The following PUS10 variants were observed in gnomAD, a reference collection of about 807,000 sequenced individuals.
The protein encoded by PUS10 is tRNA pseudouridine synthase Pus10.
Under a neutral mutation model 75.0 loss-of-function variants are expected in PUS10, and 59 were observed. The observed-to-expected ratio is 0.79, with a 90% CI of 0.64 to 0.98. The LOEUF (loss-of-function observed/expected upper bound fraction) is 0.98. Ranked by LOEUF, PUS10 falls within the 50% of genes least tolerant of loss-of-function variation. The probability of loss-of-function intolerance (pLI) is 0.00; values close to 1 mark genes in which losing one functional copy is unlikely to be tolerated. For synonymous variants in PUS10, 219 were observed against 211.6 expected (o/e 1.03, Z -0.30); for missense variants, 650 against 614.4 (o/e 1.06, Z -0.61).
rs769679154 is a variant in PUS10 at position 61,009,021 on chromosome 2, AAG to A, written c.127-8_127-7del. 1 of 1,603,662 alleles carries A rather than the reference AAG, an allele frequency of 6.2e-7. No individual in the cohort carries two copies. The highest frequency in any genetic ancestry group is 8.5e-7 in the Non-Finnish European group (1 of 1,176,352). On this transcript the variant is annotated splice_polypyrimidine_tract_variant and splice_region_variant and intron_variant, in intron 2 of 17. Transcript: ENST00000316752. ...TGTAGTTCATTGAGCAACTCCTGGA[AAG>A]TTAATGAAAGAAAAAGTAATGACCC...
chr2:61,006,442 A>T (rs980301648), intron 4 of PUS10, 115 bp downstream of exon 4: 26 of 756,928 alleles, frequency 3.4e-5, no homozygotes, highest in Admixed American at 9.2e-5. Flanking sequence ...ATCATTCAAT[A>T]AGTAGACAAA....
At chr2:61,016,785 A>G (rs1331376368) in intron 1 of PUS10, among the ~76,000 whole-genome samples, 1 of 152,152 alleles carries the variant, frequency 6.6e-6, no homozygotes, top group Non-Finnish European at 1.5e-5. Flanking sequence ...AAAACTAGCG[A>G]AATGACCAGA....
chr2:60,965,202 A>C, intron 7 of PUS10, 99 bp from the exon 8 acceptor site: 1 of 1,240,104 alleles, frequency 8.1e-7, no homozygotes, highest in Non-Finnish European at 1.2e-6. Context: ...TAAACTCAGG[A>C]CATCAGGAGC....
intron 4 of PUS10, among the ~76,000 whole-genome samples, chr2:60,990,140 A>T (rs1212362533): frequency 6.6e-6 from 1 of 152,172 alleles, no homozygotes. Flanking sequence ...ACACCCATAC[A>T]CATACTCACA....
At chr2:61,006,142 T>C (rs1324800274) in intron 4 of PUS10, among the ~76,000 whole-genome samples, 1 of 152,224 alleles carries the variant, frequency 6.6e-6, no homozygotes, top group Non-Finnish European at 1.5e-5. Flanking sequence ...CATCTTTTTA[T>C]ATTTTACTCC....
intron 4 of PUS10, among the ~76,000 whole-genome samples, chr2:60,996,645 T>C (rs756715349): frequency 6.7e-6 from 1 of 149,412 alleles, no homozygotes; most frequent in Non-Finnish European, 1.5e-5. Context: ...CAGGGAGGCA[T>C]ATCCAGATTC....
rs557222550 is a variant in PUS10, at chr2:60,953,930, T to C, written c.1190+3A>G. The stretch of plus-strand genomic sequence containing the variant: ...AAATCATCTCCAATGAGCCTACTCT[T>C]ACCTTGTGACAAGCTGCAAGTCACG... On this transcript the variant is annotated splice_donor_region_variant and intron_variant, in intron 14 of 17. Transcript: ENST00000316752. 1.1e-5 allele frequency: 18 copies of C among 1,613,442 alleles called. No individual in the cohort carries two copies. The East Asian group carries it at 3.8e-4, about 34-fold the overall frequency.
intron 9 of PUS10, 114 bp downstream of exon 9, chr2:60,962,712 C>T (rs1676106839): frequency 7.0e-7 from 1 of 1,438,296 alleles, no homozygotes; most frequent in East Asian, 2.7e-5. Context: ...GACTAAGACA[C>T]AATCCTGGCC....
chr2:60,961,587 A>T (rs1243445999), intron 9 of PUS10, 39 bp from the exon 10 acceptor site: 2 of 1,507,754 alleles, frequency 1.3e-6, no homozygotes, highest in South Asian at 2.2e-5. Context: ...TTTTCCAGAC[A>T]TAATATTGAA....
At chr2:61,016,268 T>G (rs1023379859) in intron 1 of PUS10, among the ~76,000 whole-genome samples, 25 of 152,208 alleles carry the variant, frequency 1.6e-4, no homozygotes, top group Non-Finnish European at 3.5e-4. Context: ...AAAAGACCTC[T>G]TTTGAATGTG....
chr2:60,987,261 C>G (rs750999229), intron 4 of PUS10, among the ~76,000 whole-genome samples: 17 of 152,182 alleles, frequency 1.1e-4, no homozygotes, highest in Non-Finnish European at 2.4e-4. Context: ...ACCACACACC[C>G]AGTGACAAAA....
intron 15 of PUS10, among the ~76,000 whole-genome samples, chr2:60,949,259 AG>A (rs1417974635): frequency 6.6e-6 from 1 of 152,216 alleles, no homozygotes; most frequent in Admixed American, 6.5e-5. Flanking sequence ...ACATAAATAA[AG>A]GATAAGGCTG....
chr2:61,017,401 G>T lies in PUS10; in HGVS notation c.-16+607C>A, dbSNP rs187031172. The T allele has an allele frequency of 8.6e-4, 167 of 194,826 alleles. 1 individual carries two copies. The highest frequency in any genetic ancestry group is 3.6e-3 in the African/African-American group (157 of 43,174). 12.1% of individuals were successfully genotyped at this position (194,826 alleles called of 1,614,324 possible). ...CACCCTACCTCCCCCACGAGCGAAG[G>T]AGTGCGTGCGGCTTTACTCCCAGCC... On this transcript the variant is annotated intron_variant, in intron 1 of 17. Transcript: ENST00000316752.
intron 4 of PUS10, among the ~76,000 whole-genome samples, chr2:60,977,912 T>TA (rs1378029324): frequency 1.3e-5 from 2 of 151,988 alleles, no homozygotes. Flanking sequence ...AATGCAGAGA[T>TA]AAAAAAACAG....
chr2:60,984,223 A>G (rs984318601), intron 4 of PUS10, among the ~76,000 whole-genome samples: 2 of 152,180 alleles, frequency 1.3e-5, no homozygotes, highest in African/African-American at 4.8e-5. Context: ...GAGAAACAGA[A>G]TTGATGAAAG....
chr2:60,969,959 T>G (rs112440616), intron 5 of PUS10, among the ~76,000 whole-genome samples: 94 of 151,920 alleles, frequency 6.2e-4, no homozygotes, highest in African/African-American at 2.2e-3. Flanking sequence ...GGCATGGTGG[T>G]GCATGCCTGT....
chr2:60,974,572 G>A (rs1229380010), intron 4 of PUS10, among the ~76,000 whole-genome samples: 3 of 152,190 alleles, frequency 2.0e-5, no homozygotes. Context: ...GCTGTGGCCG[G>A]GAACCCAGAC....
rs1265607967 is a variant in PUS10, at chr2:61,008,973, C to T, written c.169G>A (p.Asp57Asn). 6.2e-7 allele frequency: 1 copy of T among 1,612,292 alleles called. No homozygotes were observed. The highest frequency in any genetic ancestry group is 2.2e-5 in the East Asian group (1 of 44,822). The change falls in exon 3 of 18, where the codon GAT becomes AAT. Residue 57 changes from aspartate to asparagine, a missense_variant. Transcript: ENST00000316752. ...ELQKFLETEKDELILEVMNPP... is the reference protein window; with the variant it reads ...ELQKFLETEKNELILEVMNPP... ...TTCATAACTTCCAAAATTAATTCAT[C>T]TTTTTCAGTTTCCAGAAATTTCTGT...
rs576615276 is a variant in PUS10, at chr2:60,945,630, C to T, written c.1452-522G>A. On this transcript the variant is annotated intron_variant, in intron 16 of 17. Coordinates refer to ENST00000316752, the MANE Select transcript of PUS10 (RefSeq NM_144709.4). ...TAGTTTAGTCTTAATGATGGCTCTT[C>T]GGAAGGATTACCAAAGACCTACCGT... 1.1e-3 allele frequency among the ~76,000 whole-genome samples: 169 copies of T among 152,242 alleles called. 1 individual carries two copies. The highest frequency in any genetic ancestry group is 1.7e-3 in the Non-Finnish European group (117 of 68,026).
Sources: allele counts gnomAD v4.1 joint callset (sites outside exome capture counted in the v4.1 genomes callset), GRCh38; gene constraint gnomAD v4.1.1; transcripts MANE v1.5; gene names NCBI Gene and HGNC (gene_info 2026-07-23, HGNC 2026-07-21).